Variants in CELF4 observed in about 807,000 individuals in gnomAD.
CELF4 encodes the protein CUGBP Elav-like family member 4.
In CELF4, 18 loss-of-function variants were observed where a neutral mutation model predicts 59.9. The ratio of observed to expected loss-of-function variants is 0.30; its 90% CI spans 0.21 to 0.45. CELF4 has a LOEUF of 0.45. Among genes scored for constraint, CELF4 ranks in the 20% least tolerant of loss-of-function variants. The pLI is 1.00. For synonymous variants in CELF4, 261 were observed against 267.1 expected, an observed-to-expected ratio of 0.98 and a Z score of 0.22; for missense variants, 456 against 689.0, an observed-to-expected ratio of 0.66 and a Z score of 3.79.
chr18:37,356,503 T>G (rs573202426), intron 2 of CELF4, among the ~76,000 whole-genome samples: 1 of 148,374 alleles, frequency 6.7e-6, no homozygotes, highest in African/African-American at 2.6e-5. Flanking sequence ...GGGAAGGCCA[T>G]TGGTGCTGGG....
intron 3 of CELF4, among the ~76,000 whole-genome samples, chr18:37,303,482 G>T (rs947629019): frequency 6.6e-6 from 1 of 152,152 alleles, no homozygotes; most frequent in South Asian, 2.1e-4. Context: ...TGTTATAATG[G>T]TGGGGCTCTT....
intron 1 of CELF4, chr18:37,529,121 C>G (rs916974287): frequency 1.3e-5 from 2 of 152,112 alleles, no homozygotes; most frequent in Non-Finnish European, 2.9e-5. Context: ...GCAAGTCGCT[C>G]AGGTGCTCTG....
intron 2 of CELF4, among the ~76,000 whole-genome samples, chr18:37,340,352 T>C (rs1569566894): frequency 6.6e-6 from 1 of 152,172 alleles, no homozygotes; most frequent in Non-Finnish European, 1.5e-5. Context: ...CAGCAGGTGA[T>C]AATGTCACTG....
At chr18:37,352,962 C>T (rs1037447990) in intron 2 of CELF4, among the ~76,000 whole-genome samples, 3 of 152,064 alleles carry the variant, frequency 2.0e-5, no homozygotes, top group East Asian at 1.9e-4. Context: ...TAGCTCACGC[C>T]TGTAATCCCA....
chr18:37,457,938 A>T (rs2099782919), intron 2 of CELF4, among the ~76,000 whole-genome samples: 1 of 152,144 alleles, frequency 6.6e-6, no homozygotes, highest in African/African-American at 2.4e-5. Context: ...CTGGATGTCT[A>T]TCACCAGGGA....
chr18:37,537,699 A>T (rs151194693), intron 1 of CELF4, among the ~76,000 whole-genome samples: 10 of 152,050 alleles, frequency 6.6e-5, no homozygotes, highest in Non-Finnish European at 8.8e-5. Flanking sequence ...AGATGGAGAC[A>T]CCCCTCCCTT....
chr18:37,523,041 C>T (rs1322722164), intron 1 of CELF4, among the ~76,000 whole-genome samples: 1 of 152,206 alleles, frequency 6.6e-6, no homozygotes, highest in Non-Finnish European at 1.5e-5. Context: ...ACGTTCGTTG[C>T]CCACAACCAG....
At chr18:37,471,267 C>T (rs1297042585) in intron 2 of CELF4, among the ~76,000 whole-genome samples, 1 of 152,146 alleles carries the variant, frequency 6.6e-6, no homozygotes, top group Non-Finnish European at 1.5e-5. Flanking sequence ...GTCACTTCCT[C>T]ACCTCAGTCC....
chr18:37,468,211 G>C (rs2099813392), intron 2 of CELF4, among the ~76,000 whole-genome samples: 1 of 152,210 alleles, frequency 6.6e-6, no homozygotes, highest in Admixed American at 6.5e-5. Flanking sequence ...CATTTCAAAT[G>C]CGTCTTTGGT....
At chr18:37,320,011 T>C (rs1253460443) in intron 3 of CELF4, among the ~76,000 whole-genome samples, 1 of 152,326 alleles carries the variant, frequency 6.6e-6, no homozygotes, top group Non-Finnish European at 1.5e-5. Flanking sequence ...CCTTGGAGGC[T>C]GTACCTAATG....
intron 2 of CELF4, among the ~76,000 whole-genome samples, chr18:37,453,660 C>T (rs1224920036): frequency 6.6e-6 from 1 of 152,040 alleles, no homozygotes; most frequent in Non-Finnish European, 1.5e-5. Flanking sequence ...CACAGAGCAT[C>T]GGGGGTCAAT....
At position 37,379,175 on chromosome 18, in the gene CELF4, G is replaced by A. The variant is rs551701974; in HGVS notation, c.370-57294C>T. ...GCCTGGCCTAGGCAGGCACCTAGTGGGTGCTGTGAAACACTTAGTTGAATG... is the reference window on the plus strand; with the variant it reads ...GCCTGGCCTAGGCAGGCACCTAGTGAGTGCTGTGAAACACTTAGTTGAATG... On this transcript the variant is annotated intron_variant, in intron 2 of 12. Coordinates refer to ENST00000420428, the MANE Select transcript of CELF4 (RefSeq NM_020180.4). 5.9e-5 allele frequency among the ~76,000 whole-genome samples: 9 copies of A among 152,232 alleles called. No individual in the cohort carries two copies. In the East Asian group the frequency reaches 1.7e-3, roughly 30 times the overall value.
intron 1 of CELF4, among the ~76,000 whole-genome samples, chr18:37,494,314 C>T (rs1370766593): frequency 6.6e-6 from 1 of 152,222 alleles, no homozygotes; most frequent in Non-Finnish European, 1.5e-5. Flanking sequence ...GCAAAGAGCT[C>T]CTCCATCTAT....
At chr18:37,482,323 G>A (rs1218731335) in intron 2 of CELF4, among the ~76,000 whole-genome samples, 1 of 152,138 alleles carries the variant, frequency 6.6e-6, no homozygotes, top group Non-Finnish European at 1.5e-5. Context: ...CAGGAAGTCA[G>A]GAAAGAGTGA....
intron 1 of CELF4, among the ~76,000 whole-genome samples, chr18:37,515,911 G>A (rs561073799): frequency 3.3e-5 from 5 of 152,264 alleles, no homozygotes; most frequent in African/African-American, 7.2e-5. Context: ...ACTTCATCCC[G>A]GTGAAAGCAG....
At chr18:37,316,080 G>T (rs2096859750) in intron 3 of CELF4, among the ~76,000 whole-genome samples, 1 of 152,156 alleles carries the variant, frequency 6.6e-6, no homozygotes, top group Admixed American at 6.5e-5. Flanking sequence ...CACCCATGGA[G>T]ACTCCATTTA....
chr18:37,315,147 C>A (rs1174129378), intron 3 of CELF4, among the ~76,000 whole-genome samples: 2 of 152,124 alleles, frequency 1.3e-5, no homozygotes, highest in Non-Finnish European at 2.9e-5. Flanking sequence ...CAGTGCTAGA[C>A]CCGCTCCCTC....
chr18:37,546,985 C>T (rs935617187), intron 1 of CELF4, among the ~76,000 whole-genome samples: 2 of 152,140 alleles, frequency 1.3e-5, no homozygotes, highest in Non-Finnish European at 2.9e-5. Context: ...CCCATCATCC[C>T]GGGACAGACT....
At chr18:37,263,937 C>T (rs1018670917) in intron 10 of CELF4, among the ~76,000 whole-genome samples, 1 of 152,120 alleles carries the variant, frequency 6.6e-6, no homozygotes, top group Non-Finnish European at 1.5e-5. Flanking sequence ...TACTTCTCCC[C>T]ACCCTCCCCA....
Sources: gnomAD v4.1 joint callset for allele counts (sites outside exome capture counted in the v4.1 genomes callset) on GRCh38, gnomAD v4.1.1 for gene constraint, MANE v1.5 for transcripts, NCBI Gene and HGNC (gene_info 2026-07-23, HGNC 2026-07-21) for gene names.